The following CATSPERT variants were observed in gnomAD, a reference collection of about 807,000 sequenced individuals.
CATSPERT encodes the protein cation channel sperm-associated targeting subunit tau.
chr2:201,521,248 T>C, the CATSPERT span, among the ~76,000 whole-genome samples: 1 of 152,232 alleles, frequency 6.6e-6, no homozygotes, highest in Admixed American at 6.5e-5. Flanking sequence ...TAGTTTGTTC[T>C]CACACTGTTA....
the CATSPERT span, among the ~76,000 whole-genome samples, chr2:201,585,671 T>C: frequency 1.3e-5 from 2 of 151,974 alleles, no homozygotes; most frequent in African/African-American, 4.8e-5. Context: ...GGGTGATAAA[T>C]GGAATTAAAG....
At chr2:201,491,887 G>A in the CATSPERT span, 32 of 1,536,750 alleles carry the variant, frequency 2.1e-5, no homozygotes, top group African/African-American at 4.1e-5. Context: ...AGGAAGCTGC[G>A]TGAATACATG....
the CATSPERT span, among the ~76,000 whole-genome samples, chr2:201,522,037 A>C: frequency 6.6e-6 from 1 of 152,156 alleles, no homozygotes; most frequent in Non-Finnish European, 1.5e-5. Context: ...AAGGCCATAC[A>C]TGACAAACCC....
chr2:201,568,436 C>T, the CATSPERT span, among the ~76,000 whole-genome samples: 3 of 152,170 alleles, frequency 2.0e-5, no homozygotes, highest in Non-Finnish European at 4.4e-5. Flanking sequence ...GCAAACTGCT[C>T]CTGATGGTCT....
chr2:201,497,657 G>A, the CATSPERT span, among the ~76,000 whole-genome samples: 67 of 152,214 alleles, frequency 4.4e-4, no homozygotes, highest in African/African-American at 1.5e-3. Context: ...CTTTTACTCC[G>A]TTTAACTGGG....
At chr2:201,594,487 G>A in the CATSPERT span, among the ~76,000 whole-genome samples, 1 of 152,094 alleles carries the variant, frequency 6.6e-6, no homozygotes, top group South Asian at 2.1e-4. Flanking sequence ...GAGTATCTTT[G>A]TGGCATTCTC....
At chr2:201,496,020 C>A in the CATSPERT span, 2 of 1,202,046 alleles carry the variant, frequency 1.7e-6, no homozygotes, top group Non-Finnish European at 2.4e-6. Context: ...ATAAGAATAT[C>A]AAGATCATTT....
chr2:201,575,501 G>A, the CATSPERT span, among the ~76,000 whole-genome samples: 191 of 152,218 alleles, frequency 1.3e-3, no homozygotes, highest in African/African-American at 4.4e-3. Flanking sequence ...AGCTTCATCT[G>A]TATTTACAGC....
chr2:201,565,705 A>ATTT, the CATSPERT span: 1,641 of 1,344,250 alleles, frequency 1.2e-3, 2 homozygotes, highest in South Asian at 0.012. Context: ...GCTCTTTTGA[A>ATTT]TTTTTTTTTT....
chr2:201,494,770 A>C, the CATSPERT span: 2 of 1,466,978 alleles, frequency 1.4e-6, no homozygotes, highest in Non-Finnish European at 1.8e-6. Flanking sequence ...CTGCAATATT[A>C]AAAAAAAGGT....
the CATSPERT span, among the ~76,000 whole-genome samples, chr2:201,525,182 A>G: frequency 6.6e-6 from 1 of 152,212 alleles, no homozygotes; most frequent in South Asian, 2.1e-4. Context: ...TGCATGTGGC[A>G]CATGCTCTAA....
At chr2:201,597,096 C>A in the CATSPERT span, among the ~76,000 whole-genome samples, 2 of 152,266 alleles carry the variant, frequency 1.3e-5, no homozygotes, top group South Asian at 4.2e-4. Flanking sequence ...GAAGGCAATT[C>A]CTGGCAGATT....
the CATSPERT span, among the ~76,000 whole-genome samples, chr2:201,490,231 G>A: frequency 6.6e-6 from 1 of 152,096 alleles, no homozygotes; most frequent in Non-Finnish European, 1.5e-5. Flanking sequence ...TAGCATGGTG[G>A]TGAAAAAAGA....
At chr2:201,495,886 A>C in the CATSPERT span, 5 of 1,544,596 alleles carry the variant, frequency 3.2e-6, no homozygotes, top group Non-Finnish European at 4.4e-6. Context: ...AGAATAATTC[A>C]GGACTCACCT....
At chr2:201,535,458 A>G in the CATSPERT span, 1 of 945,154 alleles carries the variant, frequency 1.1e-6, no homozygotes, top group East Asian at 1.2e-4. Context: ...ATTTTAAACT[A>G]TAAAATTATT....
the CATSPERT span, among the ~76,000 whole-genome samples, chr2:201,592,760 T>C: frequency 6.6e-6 from 1 of 152,258 alleles, no homozygotes; most frequent in Non-Finnish European, 1.5e-5. Flanking sequence ...TTTTCTAGTT[T>C]ATTTGCATAG....
chr2:201,563,368 T>C, the CATSPERT span, among the ~76,000 whole-genome samples: 5 of 92,988 alleles, frequency 5.4e-5, 1 homozygote, highest in Admixed American at 2.1e-4. Flanking sequence ...GGCGGGGGGC[T>C]TGACCCCCCC....
At chr2:201,565,112 A>G in the CATSPERT span, among the ~76,000 whole-genome samples, 1 of 152,128 alleles carries the variant, frequency 6.6e-6, no homozygotes, top group African/African-American at 2.4e-5. Flanking sequence ...CAGAAAGAAA[A>G]AAAAAAGCAC....
At chr2:201,580,913 G>A in the CATSPERT span, among the ~76,000 whole-genome samples, 1 of 152,180 alleles carries the variant, frequency 6.6e-6, no homozygotes, top group Non-Finnish European at 1.5e-5. Context: ...AAGGAAGTCT[G>A]TAAGCAGCCC....
Sources: gnomAD v4.1 joint callset for allele counts (sites outside exome capture counted in the v4.1 genomes callset) on GRCh38, gnomAD v4.1.1 for gene constraint, MANE v1.5 for transcripts, NCBI Gene and HGNC (gene_info 2026-07-23, HGNC 2026-07-21) for gene names.